TRMT44: variants seen among roughly 807,000 people sequenced by gnomAD.
TRMT44 encodes probable tRNA (uracil-O(2)-)-methyltransferase.
TRMT44 carries 78 observed loss-of-function variants against 77.3 expected under a neutral mutation model. The ratio of observed to expected loss-of-function variants is 1.01; its 90% CI spans 0.84 to 1.22. TRMT44 has a LOEUF of 1.22. TRMT44 is among the 50% of genes most tolerant of loss of function. The pLI is 0.00. For synonymous variants in TRMT44, 391 were observed against 383.3 expected (o/e 1.02, Z -0.23); for missense variants, 1,090 against 964.4 (o/e 1.13, Z -1.73).
At chr4:8,485,629 G>T (rs939811946) in intron 2 of TRMT44, among the ~76,000 whole-genome samples, 6 of 152,098 alleles carry the variant, frequency 3.9e-5, no homozygotes, top group Admixed American at 6.6e-5. Flanking sequence ...GGGTTAAGGT[G>T]GGGGGATATG....
chr4:8,461,787 G>A lies in TRMT44; in HGVS notation c.1204-2198G>A, dbSNP rs1726171591. ...TGCCAGGAGTTCTGTCATGCTTTCT[G>A]CCTTGGAGGAGCATGGCCAGAATGA... On this transcript the variant is annotated intron_variant, in intron 6 of 10. Transcript: ENST00000389737. This position sits in a 1 kb window ranked among gnomAD's most constrained non-coding sequence, Gnocchi z 4.6. Among the ~76,000 whole-genome samples, 1 of 152,134 alleles carries A rather than the reference G, an allele frequency of 6.6e-6. No individual in the cohort carries two copies. The highest frequency in any genetic ancestry group is 2.4e-5 in the African/African-American group (1 of 41,416).
Position 8,476,016 on chromosome 4 carries a change from A to G in TRMT44, c.*15A>G, listed in dbSNP as rs768548684. On this transcript the variant is annotated 3_prime_UTR_variant, in exon 11 of 11. Coordinates refer to ENST00000389737, the MANE Select transcript of TRMT44 (RefSeq NM_152544.3). The stretch of plus-strand genomic sequence containing the variant: ...AGATTTCATGAGCTGCATCCTTGCC[A>G]GCCGAGGCCTGGTTGGGGAGGCCAA... 1.2e-6 allele frequency: 2 copies of G among 1,610,892 alleles called. No homozygotes were observed. Among genetic ancestry groups the G allele is most frequent in the East Asian group, 2.2e-5 (1 of 44,820 alleles).
chr4:8,486,982 T>G (rs1727830191), intron 2 of TRMT44, among the ~76,000 whole-genome samples: 1 of 152,046 alleles, frequency 6.6e-6, no homozygotes, highest in African/African-American at 2.4e-5. Context: ...GGGTTGGGAC[T>G]GAGGGGACAG....
the TRMT44 span, among the ~76,000 whole-genome samples, chr4:8,516,936 A>T: frequency 1.5e-4 from 23 of 152,382 alleles, no homozygotes; most frequent in African/African-American, 5.5e-4. Context: ...AACCTGAACA[A>T]GCTTCTTGCA....
intron 6 of TRMT44, among the ~76,000 whole-genome samples, chr4:8,456,040 G>A (rs1053810284): frequency 1.3e-5 from 2 of 152,134 alleles, no homozygotes; most frequent in Non-Finnish European, 2.9e-5. Flanking sequence ...ATTATAAGAA[G>A]TTAAAATCTA....
chr4:8,486,688 T>G (rs1001502521), intron 2 of TRMT44, among the ~76,000 whole-genome samples: 2 of 152,078 alleles, frequency 1.3e-5, no homozygotes, highest in African/African-American at 4.8e-5. Context: ...GCTATCTGAT[T>G]TGGGATAAAG....
Position 8,465,486 on chromosome 4 carries a change from C to T in TRMT44, c.1419C>T (p.Asp473=). The stretch of plus-strand genomic sequence containing the variant: ...AGACTCAGTACCGGGAATACCTTGA[C>T]TTCATTAAAGAAGTGGGCTTCACCT... The part of the protein sequence containing the change: ...SKKTQYREYL[D]FIKEVGFTCG... The change falls in exon 8 of 11, where the codon GAC becomes GAT. Residue 473 remains aspartate, a synonymous_variant. Transcript: ENST00000389737. 1.2e-6 allele frequency: 2 copies of T among 1,614,196 alleles called. No homozygotes were observed. The highest frequency in any genetic ancestry group is 1.7e-6 in the Non-Finnish European group (2 of 1,180,030).
intron 6 of TRMT44, chr4:8,455,038 A>G (rs1174664561): frequency 1.8e-6 from 1 of 569,430 alleles, no homozygotes; most frequent in African/African-American, 1.9e-5. Flanking sequence ...CTCCAGGCAG[A>G]AGTGCTGTCT....
chr4:8,495,476 G>T (rs1655056014), downstream of TRMT44, among the ~76,000 whole-genome samples: 1 of 152,196 alleles, frequency 6.6e-6, no homozygotes, highest in African/African-American at 2.4e-5. Flanking sequence ...GTGCATGGTG[G>T]TTTCTCATTG....
rs2109179989 is a variant in TRMT44, at chr4:8,471,190, G to A, written c.2034G>A (p.Gln678=). The part of the protein sequence containing the change: ...GLQTLLRNSH[Q]VFQVVNGRVH... ...AGACGCTGCTCCGGAACAGCCACCA[G>A]GTGTTCCAAGGTACGGAGTCCGCCT... The change falls in exon 10 of 11, where the codon CAG becomes CAA. Residue 678 remains glutamine, a synonymous_variant. Transcript: ENST00000389737. 6.3e-7 allele frequency: 1 copy of A among 1,591,998 alleles called. No homozygotes were observed. The highest frequency in any genetic ancestry group is 8.5e-7 in the Non-Finnish European group (1 of 1,169,998).
At chr4:8,455,232 A>C (rs1725730180) in intron 6 of TRMT44, among the ~76,000 whole-genome samples, 1 of 152,236 alleles carries the variant, frequency 6.6e-6, no homozygotes, top group South Asian at 2.1e-4. Context: ...GGACACCTGC[A>C]GATGAGCCAC....
chr4:8,516,551 G>T, the TRMT44 span, among the ~76,000 whole-genome samples: 1 of 152,208 alleles, frequency 6.6e-6, no homozygotes, highest in African/African-American at 2.4e-5. Context: ...AGGTCAAGGT[G>T]GGAGGATGGC....
chr4:8,469,475 G>A (rs530577304), intron 9 of TRMT44, among the ~76,000 whole-genome samples: 33 of 152,356 alleles, frequency 2.2e-4, no homozygotes, highest in South Asian at 4.1e-4. Context: ...AAGTTCCCAC[G>A]TGCAGTAAAC....
downstream of TRMT44, among the ~76,000 whole-genome samples, chr4:8,480,135 A>G (rs1167934442): frequency 6.6e-6 from 1 of 152,214 alleles, no homozygotes; most frequent in Non-Finnish European, 1.5e-5. Context: ...ATGGGTCTGC[A>G]GCAGCCTCAA....
intron 3 of TRMT44, 61 bp downstream of exon 3, chr4:8,449,949 C>CTTTTTTTTTTTTTTTCTTTTTTTTTT: frequency 4.2e-6 from 1 of 238,690 alleles, no homozygotes. Context: ...CTTTTCTTTT[C>CTTTTTTTTTTTTTTTCTTTTTTTTTT]TTTTTTTTTT....
In TRMT44 at chr4:8,440,811, C is replaced by A; in HGVS notation, c.-12C>A. On this transcript the variant is annotated 5_prime_UTR_variant, in exon 1 of 11. In the 5' UTR this introduces an upstream ATG that the reference lacks. Coordinates refer to ENST00000389737, the MANE Select transcript of TRMT44 (RefSeq NM_152544.3). Reference sequence around the variant, plus strand: ...GCGCGCCGCTGCCAGGGCTGTACACCTGCTGGCTGCCATGGCTGAGGTGGG... The same window carrying A: ...GCGCGCCGCTGCCAGGGCTGTACACATGCTGGCTGCCATGGCTGAGGTGGG... The A allele has an allele frequency of 3.5e-6, 5 of 1,444,436 alleles. No homozygotes were observed. The highest frequency in any genetic ancestry group is 4.5e-6 in the Non-Finnish European group (5 of 1,102,066). The allele number at this position is 1,444,436 out of a possible 1,614,324, so 89.5% of individuals were successfully genotyped here.
chr4:8,480,382 A>AAAGC (rs1160184404), downstream of TRMT44, among the ~76,000 whole-genome samples: 1 of 152,074 alleles, frequency 6.6e-6, no homozygotes, highest in Non-Finnish European at 1.5e-5. Context: ...TTTTCCCATG[A>AAAGC]TGCTTTCCTT....
In TRMT44 at chr4:8,465,394, C is replaced by T. The variant is rs143660619; in HGVS notation, c.1327C>T (p.Arg443Cys). 27 of 1,611,674 alleles carry T rather than the reference C, an allele frequency of 1.7e-5. No homozygotes were observed. The highest frequency in any genetic ancestry group is 1.7e-4 in the Middle Eastern group (1 of 5,798). Reference protein sequence around the residue: ...VIAARSSYNCRFFVLPCCFFD... With the variant: ...VIAARSSYNCCFFVLPCCFFD... ...TTTTTGAAGGTCTTCCTACAATTGC[C>T]GCTTCTTTGTCCTCCCCTGCTGCTT... The change falls in exon 8 of 11, where the codon CGC (arginine) becomes TGC (cysteine). Residue 443 changes from arginine (R) to cysteine (C), a missense_variant. Arg to Cys is a radical substitution (Grantham distance 180). Coordinates refer to ENST00000389737, the MANE Select transcript of TRMT44 (RefSeq NM_152544.3).
At chr4:8,497,929 G>A (rs557506575), downstream of TRMT44, among the ~76,000 whole-genome samples, 11 of 152,264 alleles carry the variant, frequency 7.2e-5, no homozygotes, top group South Asian at 4.1e-4. Flanking sequence ...GCGTGGGGGG[G>A]GCTGGGAAAA....
Sources: allele counts gnomAD v4.1 joint callset (sites outside exome capture counted in the v4.1 genomes callset), GRCh38; gene constraint gnomAD v4.1.1; non-coding constraint Gnocchi (gnomAD v3.1); transcripts MANE v1.5; gene names NCBI Gene and HGNC (gene_info 2026-07-23, HGNC 2026-07-21).